Variants in HDAC9 observed in about 807,000 individuals in gnomAD.
The protein encoded by HDAC9 is histone deacetylase 9, also known as MEF-2 interacting transcription repressor (MITR) protein.
In HDAC9, 41 loss-of-function variants were observed where a neutral mutation model predicts 139.4. That is an observed-to-expected ratio of 0.29 (90% CI 0.23 to 0.38). HDAC9 has a LOEUF of 0.38. HDAC9 is among the 10% of genes least tolerant of loss of function. HDAC9 has a pLI of 1.00. For missense variants in HDAC9, 1,147 were observed against 1,297.0 expected, an observed-to-expected ratio of 0.88 and a Z score of 1.78; for synonymous variants, 517 against 476.2, an observed-to-expected ratio of 1.09 and a Z score of -1.12.
chr7:18,680,417 A>C (rs950214612), intron 12 of HDAC9, among the ~76,000 whole-genome samples: 1 of 151,988 alleles, frequency 6.6e-6, no homozygotes, highest in Non-Finnish European at 1.5e-5. Context: ...TGTGTTCTTA[A>C]AGCAATCAGA....
chr7:18,639,485 T>C (rs539314923), intron 8 of HDAC9, among the ~76,000 whole-genome samples: 1 of 152,236 alleles, frequency 6.6e-6, no homozygotes, highest in East Asian at 1.9e-4. Context: ...TGTTTTTTGG[T>C]CTCACAATAT....
intron 1 of HDAC9, among the ~76,000 whole-genome samples, chr7:18,466,766 A>AG (rs758856247): frequency 6.6e-6 from 1 of 152,162 alleles, no homozygotes; most frequent in Non-Finnish European, 1.5e-5. Flanking sequence ...AAGTAAGACT[A>AG]GGGGGGTGAA....
At chr7:18,246,541 A>T (rs1794545325) in intron 2 of HDAC9, among the ~76,000 whole-genome samples, 1 of 151,970 alleles carries the variant, frequency 6.6e-6, no homozygotes, top group African/African-American at 2.4e-5. Context: ...ACTCCCGGAA[A>T]TTCCTAATCT....
chr7:18,817,151 C>T (rs1478857403), intron 17 of HDAC9, among the ~76,000 whole-genome samples: 4 of 151,870 alleles, frequency 2.6e-5, no homozygotes, highest in Non-Finnish European at 4.4e-5. Flanking sequence ...TCTTCTGCCT[C>T]AGCCTCCTGA....
intron 2 of HDAC9, among the ~76,000 whole-genome samples, chr7:18,267,862 T>C (rs1207389308): frequency 6.6e-6 from 1 of 152,148 alleles, no homozygotes; most frequent in African/African-American, 2.4e-5. Context: ...CTTCTGCTTC[T>C]GTCCTTACAT....
chr7:18,304,742 TG>T (rs1296036751), intron 1 of HDAC9, among the ~76,000 whole-genome samples: 2 of 152,220 alleles, frequency 1.3e-5, no homozygotes, highest in African/African-American at 2.4e-5. Flanking sequence ...CACTTTTTAA[TG>T]GGGGCAGAGT....
intron 1 of HDAC9, among the ~76,000 whole-genome samples, chr7:18,291,053 G>A (rs1797773432): frequency 6.6e-6 from 1 of 152,134 alleles, no homozygotes; most frequent in South Asian, 2.1e-4. Flanking sequence ...TGACTTCAGA[G>A]CCCAGGTTGT....
chr7:18,243,950 G>A (rs73303429), intron 2 of HDAC9, among the ~76,000 whole-genome samples: 3,117 of 152,200 alleles, frequency 0.02, 117 homozygotes, highest in African/African-American at 0.071. Context: ...TAGTACTGTT[G>A]TGCTGTTTTG....
intron 12 of HDAC9, among the ~76,000 whole-genome samples, chr7:18,691,907 A>G (rs1562856343): frequency 1.3e-5 from 2 of 152,172 alleles, no homozygotes; most frequent in East Asian, 3.9e-4. Context: ...TGTCAACAAA[A>G]GAGAACAGTC....
chr7:18,732,448 A>C (rs903311802), intron 13 of HDAC9, among the ~76,000 whole-genome samples: 2 of 125,142 alleles, frequency 1.6e-5, no homozygotes, highest in Admixed American at 1.6e-4. Context: ...ATCTGAAAGT[A>C]TGTGTGTATA....
chr7:18,637,174 G>A (rs1784145343), intron 8 of HDAC9, among the ~76,000 whole-genome samples: 1 of 151,992 alleles, frequency 6.6e-6, no homozygotes. Flanking sequence ...TTTAAGAGGC[G>A]AGAGAGTGAT....
intron 6 of HDAC9, among the ~76,000 whole-genome samples, chr7:18,618,381 T>G (rs1176063836): frequency 6.6e-6 from 1 of 152,090 alleles, no homozygotes; most frequent in Admixed American, 6.6e-5. Context: ...AGGTTCATGC[T>G]GAGAGAACCA....
chr7:18,199,838 G>A (rs1229434139), intron 2 of HDAC9, among the ~76,000 whole-genome samples: 2 of 151,586 alleles, frequency 1.3e-5, no homozygotes, highest in Non-Finnish European at 2.9e-5. Context: ...AGATGGGAGC[G>A]AGGATTGCTG....
chr7:18,885,298 G>C (rs1158626077), intron 22 of HDAC9, among the ~76,000 whole-genome samples: 2 of 152,192 alleles, frequency 1.3e-5, no homozygotes, highest in Admixed American at 1.3e-4. Flanking sequence ...CATCCTGGCT[G>C]TGTTGTTGTT....
chr7:18,512,988 TG>T (rs1264181762), intron 2 of HDAC9, among the ~76,000 whole-genome samples: 3 of 152,192 alleles, frequency 2.0e-5, no homozygotes, highest in Admixed American at 6.5e-5. Context: ...TTAGTAGCTT[TG>T]TGTATGACAG....
At chr7:18,244,806 T>G (rs1368612160) in intron 2 of HDAC9, among the ~76,000 whole-genome samples, 1 of 96,060 alleles carries the variant, frequency 1.0e-5, no homozygotes, top group Non-Finnish European at 2.1e-5. Context: ...TGAGCCTCTG[T>G]CTCAAAAATA....
chr7:18,207,539 C>CTTTTTTTTTCTTTTTTTTTTT (rs1791616531), intron 2 of HDAC9, among the ~76,000 whole-genome samples: 1 of 53,730 alleles, frequency 1.9e-5, no homozygotes, highest in Admixed American at 3.3e-4. Flanking sequence ...CCCAAGGAGT[C>CTTTTTTTTTCTTTTTTTTTTT]TTTTTTTTTT....
intron 12 of HDAC9, chr7:18,668,579 C>T: frequency 1.0e-6 from 1 of 976,826 alleles, no homozygotes; most frequent in Non-Finnish European, 1.2e-6. Context: ...TTCATCAGTA[C>T]AGTTGGTGGA....
At chr7:18,441,929 G>A (rs910802203) in intron 1 of HDAC9, among the ~76,000 whole-genome samples, 19 of 151,976 alleles carry the variant, frequency 1.3e-4, no homozygotes, top group African/African-American at 4.3e-4. Flanking sequence ...TACCACGCCC[G>A]GCTAACTTTT....
Sources: gnomAD v4.1 joint callset for allele counts (sites outside exome capture counted in the v4.1 genomes callset) on GRCh38, gnomAD v4.1.1 for gene constraint, MANE v1.5 for transcripts, NCBI Gene and HGNC (gene_info 2026-07-23, HGNC 2026-07-21) for gene names.